Variants in GRM7 observed in about 807,000 individuals in gnomAD.
The protein encoded by GRM7 is metabotropic glutamate receptor 7.
In GRM7, 35 loss-of-function variants were observed where a neutral mutation model predicts 84.5. That is an observed-to-expected ratio of 0.41 (90% confidence interval 0.32 to 0.55). The LOEUF (loss-of-function observed/expected upper bound fraction) is 0.55, where lower values mean the gene tolerates loss of function less well. Among genes scored for constraint, GRM7 ranks in the 20% least tolerant of loss-of-function variants. GRM7 has a pLI of 0.19. For missense variants in GRM7, 1,003 were observed against 1,194.6 expected, an observed-to-expected ratio of 0.84 and a Z score of 2.36; for synonymous variants, 487 against 455.1, an observed-to-expected ratio of 1.07 and a Z score of -0.89.
intron 2 of GRM7, among the ~76,000 whole-genome samples, chr3:7,149,839 A>C (rs1375218655): frequency 2.0e-5 from 3 of 152,188 alleles, no homozygotes; most frequent in Non-Finnish European, 4.4e-5. Flanking sequence ...GATTACATTG[A>C]ATCACAATGG....
intron 1 of GRM7, among the ~76,000 whole-genome samples, chr3:6,984,696 TA>T (rs1694339360): frequency 6.6e-6 from 1 of 152,184 alleles, no homozygotes; most frequent in Non-Finnish European, 1.5e-5. Flanking sequence ...TGTTTTTTTT[TA>T]GCCTTTATGG....
intron 1 of GRM7, among the ~76,000 whole-genome samples, chr3:6,969,218 A>G (rs1164222752): frequency 2.0e-5 from 3 of 152,180 alleles, no homozygotes; most frequent in Non-Finnish European, 1.5e-5. Context: ...CAGGTTAGGT[A>G]GTATGACTTA....
intron 4 of GRM7, among the ~76,000 whole-genome samples, chr3:7,350,081 G>C (rs539186409): frequency 6.6e-6 from 1 of 152,046 alleles, no homozygotes; most frequent in Non-Finnish European, 1.5e-5. Flanking sequence ...TGACCCTTGC[G>C]TAAGTACCTA....
chr3:7,455,020 A>G (rs1253482497), intron 6 of GRM7, among the ~76,000 whole-genome samples: 1 of 152,144 alleles, frequency 6.6e-6, no homozygotes, highest in Admixed American at 6.6e-5. Context: ...AGCTGGAGAC[A>G]TGCTGTACCA....
Position 7,489,684 on chromosome 3 carries a change from C to T in GRM7, c.1515+27962C>T, listed in dbSNP as rs118100171. Among the ~76,000 whole-genome samples the T allele has an allele frequency of 1.6e-3, 237 of 152,038 alleles. 8 individuals carry two copies. The East Asian group carries it at 0.035, about 22-fold the overall frequency. ...TTGTGTGTATGCATAATATTGCTTA[C>T]AATACAATATTATACATTGATTAAT... is the stretch of plus-strand genomic sequence containing the variant. On this transcript the variant is annotated intron_variant, in intron 7 of 9. Coordinates refer to ENST00000357716, the MANE Select transcript of GRM7 (RefSeq NM_000844.4).
At position 7,193,691 on chromosome 3, in the gene GRM7, T is replaced by G. The variant is rs1377781120; in HGVS notation, c.736+47023T>G. Among the ~76,000 whole-genome samples the G allele has an allele frequency of 1.1e-4, 17 of 152,032 alleles. 1 individual carries two copies. The highest frequency in any genetic ancestry group is 1.0e-3 in the Admixed American group (16 of 15,254). On this transcript the variant is annotated intron_variant, in intron 2 of 9. Coordinates refer to ENST00000357716, the MANE Select transcript of GRM7 (RefSeq NM_000844.4). ...CTCTCTCTCTCTCTCTCCCCCTCCC[T>G]TTTTCTGTCTTTCACTCACATACAC...
chr3:7,334,987 C>T (rs1343490292), intron 4 of GRM7, among the ~76,000 whole-genome samples: 1 of 151,562 alleles, frequency 6.6e-6, no homozygotes, highest in Admixed American at 6.6e-5. Context: ...ACACCATTGA[C>T]AGCACTAGAC....
At chr3:7,649,138 C>T (rs915164393) in intron 8 of GRM7, among the ~76,000 whole-genome samples, 10 of 151,646 alleles carry the variant, frequency 6.6e-5, no homozygotes, top group African/African-American at 2.2e-4. Context: ...GGTGCGATCT[C>T]GGCTCACTGC....
intron 1 of GRM7, among the ~76,000 whole-genome samples, chr3:7,087,088 C>T (rs560389189): frequency 6.6e-6 from 1 of 152,260 alleles, no homozygotes; most frequent in African/African-American, 2.4e-5. Context: ...GAAAAACTCT[C>T]ACTTTTTTTA....
chr3:7,311,341 C>T (rs1408105031), intron 4 of GRM7, among the ~76,000 whole-genome samples: 1 of 152,106 alleles, frequency 6.6e-6, no homozygotes, highest in Non-Finnish European at 1.5e-5. Context: ...CTTCCAAGGC[C>T]AGCATCCACT....
chr3:7,405,946 A>G (rs565707583), intron 4 of GRM7, among the ~76,000 whole-genome samples: 5 of 151,900 alleles, frequency 3.3e-5, no homozygotes, highest in Admixed American at 6.6e-5. Context: ...TTGATATTAG[A>G]TAATGTAGTG....
At chr3:6,915,612 G>A (rs887108283) in intron 1 of GRM7, among the ~76,000 whole-genome samples, 28 of 152,122 alleles carry the variant, frequency 1.8e-4, no homozygotes, top group Admixed American at 2.0e-4. Context: ...ATGCTAATAT[G>A]TTCTTTGCAA....
intron 4 of GRM7, among the ~76,000 whole-genome samples, chr3:7,343,517 A>G (rs775775183): frequency 2.0e-5 from 3 of 152,122 alleles, no homozygotes; most frequent in Non-Finnish European, 2.9e-5. Flanking sequence ...CCTGGCCTGT[A>G]AGAATATTTA....
chr3:7,121,056 G>A (rs1168151527), intron 1 of GRM7, among the ~76,000 whole-genome samples: 1 of 152,016 alleles, frequency 6.6e-6, no homozygotes, highest in Non-Finnish European at 1.5e-5. Flanking sequence ...GGTGCCTCTG[G>A]CCCTAGCAGG....
intron 2 of GRM7, among the ~76,000 whole-genome samples, chr3:7,208,766 A>G (rs1177214917): frequency 6.6e-6 from 1 of 152,166 alleles, no homozygotes; most frequent in African/African-American, 2.4e-5. Context: ...CTGCTCTGCA[A>G]TTTGCCTTTT....
chr3:7,010,183 C>G (rs1846473), intron 1 of GRM7, among the ~76,000 whole-genome samples: 150,057 of 152,328 alleles, frequency 0.99, 73,923 homozygotes, highest in African/African-American at 1. Flanking sequence ...GGGCATGGTG[C>G]CTTACGCCTG....
chr3:7,233,479 C>G (rs1427201044), intron 2 of GRM7, among the ~76,000 whole-genome samples: 1 of 152,104 alleles, frequency 6.6e-6, no homozygotes, highest in Non-Finnish European at 1.5e-5. Flanking sequence ...ATTATGGTAT[C>G]AGATTGTACC....
chr3:7,604,050 G>C (rs541195583), intron 8 of GRM7, among the ~76,000 whole-genome samples: 1 of 151,308 alleles, frequency 6.6e-6, no homozygotes, highest in Non-Finnish European at 1.5e-5. Flanking sequence ...TTTCATTACT[G>C]TAAATTAGTC....
At position 6,898,159 on chromosome 3, in the gene GRM7, G is replaced by A. The variant is rs542363265; in HGVS notation, c.519+36252G>A. Among the ~76,000 whole-genome samples, 7 of 152,230 alleles carry A rather than the reference G, an allele frequency of 4.6e-5. 1 individual carries two copies. In the South Asian group the frequency reaches 6.2e-4, roughly 14 times the overall value. On this transcript the variant is annotated intron_variant, in intron 1 of 9. Transcript: ENST00000357716. ...GAGAAAGAATTCGAAAGGGCTGATA[G>A]GATATATATTGTCAGCTGTAAAATC... is the stretch of plus-strand genomic sequence containing the variant.
Sources: gnomAD v4.1 joint callset for allele counts (sites outside exome capture counted in the v4.1 genomes callset) on GRCh38, gnomAD v4.1.1 for gene constraint, MANE v1.5 for transcripts, NCBI Gene and HGNC (gene_info 2026-07-23, HGNC 2026-07-21) for gene names.